Variants in RNF180 observed in about 807,000 individuals in gnomAD.
RNF180 encodes E3 ubiquitin-protein ligase RNF180.
A neutral mutation model predicts 59.2 loss-of-function variants in RNF180; 38 were observed. The ratio of observed to expected loss-of-function variants is 0.64; its 90% CI spans 0.50 to 0.84. The LOEUF (loss-of-function observed/expected upper bound fraction) is 0.84, where lower values mean the gene tolerates loss of function less well. RNF180 is among the 40% of genes least tolerant of loss of function. The pLI, the probability that RNF180 is intolerant of heterozygous loss-of-function variation, is 0.00. For missense variants in RNF180, 705 were observed against 700.9 expected (o/e 1.01, Z -0.07); for synonymous variants, 262 against 240.3 (o/e 1.09, Z -0.84).
At chr5:64,330,966 G>A (rs1744880735) in intron 7 of RNF180, among the ~76,000 whole-genome samples, 1 of 152,198 alleles carries the variant, frequency 6.6e-6, no homozygotes, top group Admixed American at 6.5e-5. Flanking sequence ...TGCAGGCTCA[G>A]AAATGCCTAC....
chr5:64,190,705 G>A (rs915917834), intron 1 of RNF180, among the ~76,000 whole-genome samples: 2 of 152,134 alleles, frequency 1.3e-5, no homozygotes, highest in Non-Finnish European at 2.9e-5. Flanking sequence ...TAACCCAGTA[G>A]GACTCCTGTT....
At chr5:64,290,754 G>T (rs1291611409) in intron 5 of RNF180, among the ~76,000 whole-genome samples, 3 of 151,970 alleles carry the variant, frequency 2.0e-5, no homozygotes, top group Non-Finnish European at 2.9e-5. Flanking sequence ...CCTTTAGTTT[G>T]AGCCTACATG....
intron 7 of RNF180, among the ~76,000 whole-genome samples, chr5:64,351,371 T>G (rs1745804927): frequency 1.3e-5 from 2 of 152,284 alleles, no homozygotes; most frequent in South Asian, 4.1e-4. Flanking sequence ...TGACTTCCTC[T>G]TTTCCTAATT....
intron 5 of RNF180, among the ~76,000 whole-genome samples, chr5:64,271,638 C>G (rs1741404804): frequency 6.6e-6 from 1 of 152,002 alleles, no homozygotes; most frequent in Admixed American, 6.6e-5. Context: ...TCTGAGAATA[C>G]ACCCCACAGT....
chr5:64,317,637 C>T (rs1430096032), intron 5 of RNF180, among the ~76,000 whole-genome samples: 1 of 151,094 alleles, frequency 6.6e-6, no homozygotes, highest in African/African-American at 2.4e-5. Context: ...CACACACACA[C>T]ACACACACAC....
At chr5:64,180,119 G>A (rs970828130) in intron 1 of RNF180, among the ~76,000 whole-genome samples, 2 of 152,086 alleles carry the variant, frequency 1.3e-5, no homozygotes, top group African/African-American at 4.8e-5. Context: ...ATTAATTGTA[G>A]CTATTAACCA....
chr5:64,247,843 A>G (rs1214042269), intron 5 of RNF180, among the ~76,000 whole-genome samples: 1 of 152,230 alleles, frequency 6.6e-6, no homozygotes, highest in African/African-American at 2.4e-5. Context: ...CTATCACGCT[A>G]CCTGACTTTA....
chr5:64,358,538 A>G (rs1412624613), intron 7 of RNF180, among the ~76,000 whole-genome samples: 1 of 151,836 alleles, frequency 6.6e-6, no homozygotes, highest in Non-Finnish European at 1.5e-5. Flanking sequence ...GAGACCAGCA[A>G]ATATTAAAGA....
At position 64,180,489 on chromosome 5, in the gene RNF180, C is replaced by T. The variant is rs1750513286; in HGVS notation, c.-1+14536C>T. 2.0e-5 allele frequency among the ~76,000 whole-genome samples: 3 copies of T among 152,126 alleles called. No homozygotes were observed. The South Asian group carries it at 6.2e-4, about 32-fold the overall frequency. ...CTAGCAGCCTCCAGTGTACCATTTTCTCATTTTTCATTAAGTTCCTATGAA... is the reference window on the plus strand; with the variant it reads ...CTAGCAGCCTCCAGTGTACCATTTTTTCATTTTTCATTAAGTTCCTATGAA... On this transcript the variant is annotated intron_variant, in intron 1 of 7. Transcript: ENST00000389100.
chr5:64,233,731 C>G (rs899224482), intron 5 of RNF180, among the ~76,000 whole-genome samples: 6 of 152,238 alleles, frequency 3.9e-5, no homozygotes, highest in African/African-American at 1.4e-4. Context: ...TTCACTTACT[C>G]TGGGGACTTG....
At chr5:64,204,022 T>C (rs1751882323) in intron 2 of RNF180, among the ~76,000 whole-genome samples, 2 of 152,200 alleles carry the variant, frequency 1.3e-5, no homozygotes, top group South Asian at 2.1e-4. Context: ...CAGTTAAAAA[T>C]AAGCCATATA....
At chr5:64,231,542 T>C (rs1448768003) in intron 5 of RNF180, among the ~76,000 whole-genome samples, 4 of 152,358 alleles carry the variant, frequency 2.6e-5, no homozygotes, top group Non-Finnish European at 5.9e-5. Context: ...TTGTGCTCTC[T>C]TTCGGTTAAT....
At chr5:64,281,477 C>CAGTGCCT (rs1742007740) in intron 5 of RNF180, among the ~76,000 whole-genome samples, 1 of 152,046 alleles carries the variant, frequency 6.6e-6, no homozygotes, top group African/African-American at 2.4e-5. Context: ...TATGTTCCTT[C>CAGTGCCT]AGTGCCTAGT....
intron 2 of RNF180, among the ~76,000 whole-genome samples, chr5:64,211,173 T>G (rs2112104420): frequency 6.6e-6 from 1 of 152,216 alleles, no homozygotes; most frequent in East Asian, 1.9e-4. Context: ...GAGGAATATC[T>G]CAAAGGGAAA....
chr5:64,204,178 T>G (rs993759338), intron 2 of RNF180, among the ~76,000 whole-genome samples: 3 of 152,196 alleles, frequency 2.0e-5, no homozygotes, highest in Non-Finnish European at 4.4e-5. Flanking sequence ...ACTCTGGTCC[T>G]TAGGATCTCT....
intron 6 of RNF180, among the ~76,000 whole-genome samples, chr5:64,326,417 A>G (rs1285959225): frequency 6.6e-6 from 1 of 152,170 alleles, no homozygotes; most frequent in Non-Finnish European, 1.5e-5. Context: ...AGTGACTCAC[A>G]TATTGTAAAA....
intron 5 of RNF180, among the ~76,000 whole-genome samples, chr5:64,223,729 T>C (rs879574359): frequency 3.9e-5 from 6 of 152,210 alleles, no homozygotes; most frequent in Non-Finnish European, 5.9e-5. Context: ...CATATATCTT[T>C]ATTCTTCATT....
At chr5:64,217,421 G>T in intron 5 of RNF180, 25 bp downstream of exon 5, 20 of 1,384,672 alleles carry the variant, frequency 1.4e-5, no homozygotes, top group Non-Finnish European at 1.8e-5. Flanking sequence ...ACTTATATGA[G>T]AAATTGTCAA....
At chr5:64,234,123 C>T (rs17188989) in intron 5 of RNF180, among the ~76,000 whole-genome samples, 11,670 of 152,182 alleles carry the variant, frequency 0.077, 641 homozygotes, top group Non-Finnish European at 0.12. Flanking sequence ...ACTACCTTGT[C>T]CACAGAAACT....
Sources: gnomAD v4.1 joint callset for allele counts (sites outside exome capture counted in the v4.1 genomes callset) on GRCh38, gnomAD v4.1.1 for gene constraint, MANE v1.5 for transcripts, NCBI Gene and HGNC (gene_info 2026-07-23, HGNC 2026-07-21) for gene names.